BSN: variants seen among roughly 807,000 people sequenced by gnomAD.
The protein encoded by BSN is protein bassoon.
A neutral mutation model predicts 264.8 loss-of-function variants in BSN; 57 were observed. The observed-to-expected ratio is 0.22, with a 90% CI of 0.17 to 0.27. BSN has a LOEUF of 0.27. Among genes scored for constraint, BSN ranks in the 10% least tolerant of loss-of-function variants. The probability of loss-of-function intolerance (pLI) is 1.00; values close to 1 mark genes in which losing one functional copy is unlikely to be tolerated. For synonymous variants in BSN, 2,059 were observed against 2,137.3 expected, an observed-to-expected ratio of 0.96 and a Z score of 1.01; for missense variants, 4,615 against 5,232.5, an observed-to-expected ratio of 0.88 and a Z score of 3.64.
At chr3:49,587,963 C>T (rs1430852453) in intron 1 of BSN, among the ~76,000 whole-genome samples, 1 of 109,726 alleles carries the variant, frequency 9.1e-6, no homozygotes, top group Non-Finnish European at 2.0e-5. Flanking sequence ...GCTCTGTCGC[C>T]TGGGCTGGAG....
chr3:49,592,850 A>G (rs952729710), intron 1 of BSN, among the ~76,000 whole-genome samples: 8 of 152,172 alleles, frequency 5.3e-5, no homozygotes, highest in Non-Finnish European at 7.3e-5. Flanking sequence ...ATGATATTAT[A>G]ACCAATATTC....
At chr3:49,608,243 T>G (rs1383022238) in intron 1 of BSN, among the ~76,000 whole-genome samples, 1 of 152,004 alleles carries the variant, frequency 6.6e-6, no homozygotes, top group East Asian at 1.9e-4. Flanking sequence ...CCTTCAGAAG[T>G]GAAAAACAAG....
At chr3:49,615,651 C>A (rs1559605998) in intron 1 of BSN, among the ~76,000 whole-genome samples, 1 of 152,222 alleles carries the variant, frequency 6.6e-6, no homozygotes, top group Non-Finnish European at 1.5e-5. Context: ...ATCACAGGCT[C>A]TTTCTGTGGC....
intron 1 of BSN, among the ~76,000 whole-genome samples, chr3:49,565,596 A>G (rs2051746753): frequency 1.3e-5 from 2 of 152,124 alleles, no homozygotes; most frequent in Non-Finnish European, 2.9e-5. Flanking sequence ...CTGGGATTAC[A>G]GGCGTGAGCT....
Position 49,642,757 on chromosome 3 carries a change from G to A in BSN, c.1123G>A (p.Gly375Ser), listed in dbSNP as rs1403484677. 7 of 1,613,402 alleles carry A rather than the reference G, an allele frequency of 4.3e-6. No homozygotes were observed. The highest frequency in any genetic ancestry group is 1.1e-5 in the South Asian group (1 of 91,088). ...MSVQPEADTQ[G>S]QPAPSKGTPK... ...TGTGCAGCCCGAGGCTGACACCCAG[G>A]GCCAGCCTGCCCCCAGCAAGGGGAC... The change falls in exon 3 of 12, where the codon GGC becomes AGC. Residue 375 changes from glycine to serine, a missense_variant. Physicochemically the swap from Gly to Ser is moderately conservative, Grantham distance 56 (BLOSUM62 0). Coordinates refer to ENST00000296452, the MANE Select transcript of BSN (RefSeq NM_003458.4). The surrounding 1 kb of genome is among the most constrained non-coding windows in gnomAD (Gnocchi z 7.0).
Position 49,652,245 on chromosome 3 carries a change from C to T in BSN, c.2689C>T (p.Leu897=), listed in dbSNP as rs745327892. ...ACCAGCAGCACTGCCCAAGAGGCGCCTGCCCCACAATGCCACCACGGGCTA... is the reference window on the plus strand; with the variant it reads ...ACCAGCAGCACTGCCCAAGAGGCGCTTGCCCCACAATGCCACCACGGGCTA... ...QEPAALPKRR[L]PHNATTGYEE... The change falls in exon 5 of 12, where the codon CTG becomes TTG. Residue 897 remains leucine (L), a synonymous_variant. Transcript: ENST00000296452. The T allele has an allele frequency of 6.2e-7, 1 of 1,605,842 alleles. No homozygotes were observed. Among genetic ancestry groups the T allele is most frequent in the Non-Finnish European group, 8.5e-7 (1 of 1,175,260 alleles).
intron 7 of BSN, 59 bp from the exon 8 acceptor site, chr3:49,663,728 A>G: frequency 6.2e-7 from 1 of 1,610,420 alleles, no homozygotes; most frequent in Non-Finnish European, 8.5e-7. Flanking sequence ...AAGCTTGGAC[A>G]TCCCCTTGGT....
chr3:49,580,669 G>A (rs2051889608), intron 1 of BSN, among the ~76,000 whole-genome samples: 1 of 152,040 alleles, frequency 6.6e-6, no homozygotes, highest in Non-Finnish European at 1.5e-5. Context: ...ATATAGTCTA[G>A]ACTGGTCTCG....
At chr3:49,574,061 C>T (rs149682985) in intron 1 of BSN, among the ~76,000 whole-genome samples, 1,996 of 152,154 alleles carry the variant, frequency 0.013, 36 homozygotes, top group Non-Finnish European at 0.014. Context: ...GCAATCCTCT[C>T]ACCTCATCCT....
At position 49,664,521 on chromosome 3, in the gene BSN, G is replaced by A. The variant is rs768121007; in HGVS notation, c.11707G>A (p.Gly3903Arg). Residue 3903 changes from glycine (G) to arginine (R), a missense_variant, in exon 9 of 12, where the codon GGG becomes AGG. Around this residue, in one of 3 missense-constraint regions of BSN, gnomAD observed 3,415 missense variants for 3,866.4 expected, o/e 0.88. Coordinates refer to ENST00000296452, the MANE Select transcript of BSN (RefSeq NM_003458.4). ...ESVFSKILPGGAAEQAGKLTE... is the reference protein window; with the variant it reads ...ESVFSKILPGRAAEQAGKLTE... ...CGTGTTCTCCAAGATCCTCCCTGGC[G>A]GGGCAGCCGAGCAAGCTGGCAAACT... 6.8e-6 allele frequency: 11 copies of A among 1,610,652 alleles called. No individual in the cohort carries two copies. Among genetic ancestry groups the A allele is most frequent in the Admixed American group, 1.7e-5 (1 of 59,550 alleles).
At chr3:49,589,124 G>A (rs2051958435) in intron 1 of BSN, among the ~76,000 whole-genome samples, 1 of 149,688 alleles carries the variant, frequency 6.7e-6, no homozygotes. Flanking sequence ...CGGGGTTTCA[G>A]GATGGTCTCG....
In BSN at chr3:49,643,085, C is replaced by G; in HGVS notation, c.1451C>G (p.Thr484Arg). Residue 484 changes from threonine (T) to arginine (R), a missense_variant, in exon 3 of 12, where the codon ACA becomes AGA. Around this residue, in one of 3 missense-constraint regions of BSN, gnomAD observed 1,197 missense variants for 1,348.0 expected, o/e 0.89. Transcript: ENST00000296452. ...VGSKSPANYN[T>R]CTTCRLQVCN... ...AGCAAGAGCCCAGCCAACTATAACA[C>G]ATGCACCACCTGCAGGCTCCAGGTG... 1 of 1,613,940 alleles carries G rather than the reference C, an allele frequency of 6.2e-7. No homozygotes were observed. Among genetic ancestry groups the G allele is most frequent in the South Asian group, 1.1e-5 (1 of 91,086 alleles).
intron 1 of BSN, among the ~76,000 whole-genome samples, chr3:49,598,270 C>T (rs1193344472): frequency 6.6e-6 from 1 of 152,142 alleles, no homozygotes; most frequent in African/African-American, 2.4e-5. Flanking sequence ...TTGATTCTGT[C>T]CTCTTTCAGG....
chr3:49,665,432 T>G (rs1406835328), intron 11 of BSN, 114 bp downstream of exon 11: 2 of 152,268 alleles, frequency 1.3e-5, no homozygotes, highest in Non-Finnish European at 2.9e-5. Flanking sequence ...CTGTTGGGTT[T>G]CCTTCAGCTG....
chr3:49,661,660 C>G lies in BSN; in HGVS notation c.9815C>G (p.Pro3272Arg). The G allele has an allele frequency of 6.2e-7, 1 of 1,613,714 alleles. No homozygotes were observed. Among genetic ancestry groups the G allele is most frequent in the South Asian group, 1.1e-5 (1 of 91,088 alleles). Reference protein sequence around the residue: ...SGRPGKEPGEPGVLDGPTLPC... With the variant: ...SGRPGKEPGERGVLDGPTLPC... Reference sequence around the variant, plus strand: ...CGTCCAGGGAAGGAGCCTGGAGAACCAGGTGTCCTTGACGGGCCCACACTG... The same window carrying G: ...CGTCCAGGGAAGGAGCCTGGAGAACGAGGTGTCCTTGACGGGCCCACACTG... Residue 3272 changes from proline (P) to arginine (R), a missense_variant, in exon 6 of 12, where the codon CCA becomes CGA. Transcript: ENST00000296452.
intron 3 of BSN, among the ~76,000 whole-genome samples, chr3:49,645,934 G>A (rs2052501179): frequency 6.6e-6 from 1 of 152,158 alleles, no homozygotes; most frequent in Non-Finnish European, 1.5e-5. Flanking sequence ...GTGTCTTTGT[G>A]CACAAAGAAG....
rs754674046 is a variant in BSN at position 49,653,797 on chromosome 3, C to T, written c.4241C>T (p.Ser1414Phe). The change falls in exon 5 of 12, where the codon TCC becomes TTC. Residue 1414 changes from serine to phenylalanine, a missense_variant. This residue lies in a region of BSN where 3,415 missense variants were observed against 3,866.4 expected (regional missense o/e 0.88). Coordinates refer to ENST00000296452, the MANE Select transcript of BSN (RefSeq NM_003458.4). This position sits in a 1 kb window ranked among gnomAD's most constrained non-coding sequence, Gnocchi z 6.3. ...AGSERSPSPS[S>F]TAHSYGHSPT... ...TCCGAGCGTAGTCCTTCACCATCTTCCACAGCCCACAGCTATGGACACAGC... is the reference window on the plus strand; with the variant it reads ...TCCGAGCGTAGTCCTTCACCATCTTTCACAGCCCACAGCTATGGACACAGC... 2 of 1,614,132 alleles carry T rather than the reference C, an allele frequency of 1.2e-6. No homozygotes were observed. The highest frequency in any genetic ancestry group is 1.7e-6 in the Non-Finnish European group (2 of 1,179,994).
intron 1 of BSN, 41 bp from the exon 2 acceptor site, chr3:49,624,934 C>T: frequency 6.8e-7 from 1 of 1,481,254 alleles, no homozygotes; most frequent in Non-Finnish European, 9.0e-7. Flanking sequence ...AGCTGCTTCT[C>T]TAAGCTGTAT....
chr3:49,624,926 C>G, intron 1 of BSN, 49 bp from the exon 2 acceptor site: 1 of 1,468,394 alleles, frequency 6.8e-7, no homozygotes, highest in Non-Finnish European at 9.0e-7. Context: ...CCTCCGCAAG[C>G]TGCTTCTCTA....
Sources: allele counts gnomAD v4.1 joint callset (sites outside exome capture counted in the v4.1 genomes callset), GRCh38; gene constraint gnomAD v4.1.1; regional missense constraint gnomAD v4.1.1; non-coding constraint Gnocchi (gnomAD v3.1); transcripts MANE v1.5; gene names NCBI Gene and HGNC (gene_info 2026-07-23, HGNC 2026-07-21).